Variants in RBFOX1 observed in about 807,000 individuals in gnomAD.
The protein encoded by RBFOX1 is RNA binding fox-1 homolog 1.
In RBFOX1, 8 loss-of-function variants were observed where a neutral mutation model predicts 57.7. The ratio of observed to expected loss-of-function variants is 0.14; its 90% CI spans 0.08 to 0.25. The LOEUF (loss-of-function observed/expected upper bound fraction) is 0.25, where lower values mean the gene tolerates loss of function less well. Among genes scored for constraint, RBFOX1 ranks in the 10% least tolerant of loss-of-function variants. The pLI is 1.00. For missense variants in RBFOX1, 611 were observed against 548.5 expected (o/e 1.11, Z -1.14); for synonymous variants, 326 against 222.4 (o/e 1.47, Z -4.15).
At chr16:7,474,759 T>C (rs985047857) in intron 4 of RBFOX1, among the ~76,000 whole-genome samples, 1 of 152,234 alleles carries the variant, frequency 6.6e-6, no homozygotes, top group Non-Finnish European at 1.5e-5. Flanking sequence ...ACTGGACTTC[T>C]AGAATGTCTG....
intron 1 of RBFOX1, among the ~76,000 whole-genome samples, chr16:6,200,543 T>C (rs1372314108): frequency 2.0e-5 from 3 of 152,104 alleles, no homozygotes; most frequent in Admixed American, 6.6e-5. Context: ...ATATAAACCA[T>C]GGGACTTAAG....
intron 1 of RBFOX1, among the ~76,000 whole-genome samples, chr16:6,297,234 C>T (rs1276684018): frequency 6.6e-6 from 1 of 152,030 alleles, no homozygotes; most frequent in East Asian, 1.9e-4. Context: ...TATCTTGTGC[C>T]AACCTCCTAT....
At chr16:6,186,651 G>C (rs2097107303) in intron 1 of RBFOX1, among the ~76,000 whole-genome samples, 1 of 152,122 alleles carries the variant, frequency 6.6e-6, no homozygotes, top group Non-Finnish European at 1.5e-5. Flanking sequence ...ATGGATTATG[G>C]GTTAGTGTGA....
At chr16:7,039,418 A>G (rs552414042) in intron 3 of RBFOX1, among the ~76,000 whole-genome samples, 5 of 152,192 alleles carry the variant, frequency 3.3e-5, no homozygotes, top group African/African-American at 9.6e-5. Context: ...GTGTTCTCCA[A>G]GCTATTTTCT....
At chr16:6,444,195 G>T (rs1024372292) in intron 2 of RBFOX1, among the ~76,000 whole-genome samples, 8 of 152,052 alleles carry the variant, frequency 5.3e-5, no homozygotes, top group Non-Finnish European at 5.9e-5. Flanking sequence ...AGTGTGCACT[G>T]GGCAGGTTGT....
At chr16:6,588,749 C>G (rs1037023289) in intron 2 of RBFOX1, among the ~76,000 whole-genome samples, 1 of 152,128 alleles carries the variant, frequency 6.6e-6, no homozygotes, top group Non-Finnish European at 1.5e-5. Flanking sequence ...TCTTGTAGAA[C>G]ATCTGAAAAT....
chr16:5,613,735 C>G (rs571920600), intron 3 of RBFOX1, among the ~76,000 whole-genome samples: 6 of 152,060 alleles, frequency 3.9e-5, no homozygotes, highest in Non-Finnish European at 7.3e-5. Flanking sequence ...TGCCTGAGGG[C>G]TTCTTTGCAC....
chr16:7,180,855 A>G (rs1315078848), intron 4 of RBFOX1, among the ~76,000 whole-genome samples: 2 of 152,246 alleles, frequency 1.3e-5, no homozygotes, highest in African/African-American at 2.4e-5. Flanking sequence ...CTTAAAGCTC[A>G]TGACATTGCC....
intron 2 of RBFOX1, among the ~76,000 whole-genome samples, chr16:5,495,852 A>G (rs1185516932): frequency 2.0e-5 from 3 of 152,230 alleles, no homozygotes; most frequent in Non-Finnish European, 4.4e-5. Flanking sequence ...AGGGCTGAGC[A>G]TGGTGGCTCA....
At chr16:7,698,496 C>CAGA (rs1568532017) in intron 14 of RBFOX1, among the ~76,000 whole-genome samples, 2 of 152,054 alleles carry the variant, frequency 1.3e-5, no homozygotes, top group Non-Finnish European at 2.9e-5. Flanking sequence ...GAGGTGTCAC[C>CAGA]AGCGCCTTTC....
At chr16:6,352,744 C>T (rs926815136) in intron 2 of RBFOX1, among the ~76,000 whole-genome samples, 2 of 152,176 alleles carry the variant, frequency 1.3e-5, no homozygotes, top group East Asian at 1.9e-4. Flanking sequence ...TTTTCAATCC[C>T]ATCCATTAAC....
intron 2 of RBFOX1, among the ~76,000 whole-genome samples, chr16:6,418,783 C>G (rs1039112901): frequency 3.9e-5 from 6 of 152,126 alleles, no homozygotes; most frequent in African/African-American, 1.4e-4. Flanking sequence ...CCTGCCTTGG[C>G]CTCCCAATAT....
intron 4 of RBFOX1, among the ~76,000 whole-genome samples, chr16:7,241,912 T>G (rs2094084583): frequency 6.6e-6 from 1 of 152,178 alleles, no homozygotes; most frequent in East Asian, 1.9e-4. Context: ...CATAATTACA[T>G]GAGTGCATAT....
intron 4 of RBFOX1, among the ~76,000 whole-genome samples, chr16:7,369,172 A>G (rs1314370189): frequency 6.6e-6 from 1 of 152,078 alleles, no homozygotes; most frequent in Non-Finnish European, 1.5e-5. Flanking sequence ...TGCTTAATAT[A>G]GGAGATTGAC....
intron 4 of RBFOX1, among the ~76,000 whole-genome samples, chr16:7,095,586 G>T (rs555109983): frequency 6.6e-6 from 1 of 152,238 alleles, no homozygotes; most frequent in African/African-American, 2.4e-5. Flanking sequence ...CACAAAGAAG[G>T]GTCTGAGCTT....
intron 2 of RBFOX1, among the ~76,000 whole-genome samples, chr16:6,648,596 C>T (rs1478655371): frequency 6.6e-6 from 1 of 152,132 alleles, no homozygotes; most frequent in Non-Finnish European, 1.5e-5. Context: ...CTGCCACATC[C>T]CCTGGAGGGC....
intron 3 of RBFOX1, among the ~76,000 whole-genome samples, chr16:5,681,353 G>T (rs1306954943): frequency 6.6e-6 from 1 of 151,016 alleles, no homozygotes; most frequent in East Asian, 1.9e-4. Flanking sequence ...CAAAGTGTTG[G>T]GATTACAGGC....
intron 1 of RBFOX1, among the ~76,000 whole-genome samples, chr16:5,281,837 T>G (rs7188721): frequency 1.5e-4 from 23 of 152,116 alleles, no homozygotes; most frequent in Non-Finnish European, 2.5e-4. Flanking sequence ...GTGAGTTTCT[T>G]GTAGATGTTG....
At chr16:7,127,316 CAA>C (rs1351930601) in intron 4 of RBFOX1, among the ~76,000 whole-genome samples, 7 of 152,128 alleles carry the variant, frequency 4.6e-5, no homozygotes, top group African/African-American at 1.7e-4. Flanking sequence ...TGCTTGGTCT[CAA>C]GAGAGAAGGT....
Sources: gnomAD v4.1 joint callset for allele counts (sites outside exome capture counted in the v4.1 genomes callset) on GRCh38, gnomAD v4.1.1 for gene constraint, MANE v1.5 for transcripts, NCBI Gene and HGNC (gene_info 2026-07-23, HGNC 2026-07-21) for gene names.